Variants in STAMBP observed in about 807,000 individuals in gnomAD.
STAMBP encodes STAM-binding protein.
In STAMBP, 31 loss-of-function variants were observed where a neutral mutation model predicts 50.7. That is an observed-to-expected ratio of 0.61 (90% CI 0.46 to 0.83). The LOEUF (loss-of-function observed/expected upper bound fraction) is 0.83. STAMBP is among the 40% of genes least tolerant of loss of function. STAMBP has a pLI of 0.00. For synonymous variants in STAMBP, 211 were observed against 192.4 expected, an observed-to-expected ratio of 1.10 and a Z score of -0.80; for missense variants, 472 against 518.9, an observed-to-expected ratio of 0.91 and a Z score of 0.88.
chr2:73,854,240 C>T (rs1205284468), intron 7 of STAMBP, among the ~76,000 whole-genome samples: 1 of 152,164 alleles, frequency 6.6e-6, no homozygotes, highest in Non-Finnish European at 1.5e-5. Context: ...TGAGGAAACA[C>T]GTTTTAGACA....
intron 2 of STAMBP, among the ~76,000 whole-genome samples, chr2:73,839,517 C>A (rs1452062442): frequency 1.3e-5 from 2 of 152,200 alleles, no homozygotes; most frequent in African/African-American, 2.4e-5. Flanking sequence ...AAGGTTCCAT[C>A]TGTGATCATG....
At chr2:73,858,061 C>T (rs1289894830) in intron 7 of STAMBP, among the ~76,000 whole-genome samples, 1 of 151,858 alleles carries the variant, frequency 6.6e-6, no homozygotes, top group Non-Finnish European at 1.5e-5. Context: ...CGGCTCACTG[C>T]AAGCTCCACC....
At chr2:73,845,950 A>G (rs1312340809) in intron 4 of STAMBP, among the ~76,000 whole-genome samples, 1 of 152,154 alleles carries the variant, frequency 6.6e-6, no homozygotes, top group East Asian at 1.9e-4. Context: ...CTATTTTCAA[A>G]TGATTCTTTT....
intron 2 of STAMBP, among the ~76,000 whole-genome samples, chr2:73,837,948 A>G (rs879227867): frequency 6.6e-5 from 10 of 152,290 alleles, no homozygotes; most frequent in Admixed American, 3.9e-4. Flanking sequence ...GTGTTGTGTC[A>G]TGGGAGCCAA....
intron 7 of STAMBP, among the ~76,000 whole-genome samples, chr2:73,854,441 G>A (rs924092516): frequency 3.3e-5 from 5 of 152,314 alleles, no homozygotes; most frequent in African/African-American, 1.2e-4. Flanking sequence ...CAGATTTGAA[G>A]CCTAAATTGA....
intron 2 of STAMBP, among the ~76,000 whole-genome samples, chr2:73,834,841 A>G (rs569157991): frequency 6.6e-6 from 1 of 152,288 alleles, no homozygotes; most frequent in African/African-American, 2.4e-5. Flanking sequence ...TGTGTTTAGA[A>G]GTGCTTAGAT....
rs116524817 is a variant in STAMBP, at chr2:73,829,414, C to T, written c.-109C>T. ...TCCCCCTCATTTGCAGATGCTGCAT[C>T]CCCTTTTTGGAATTGCTCAACCAGG... On this transcript the variant is annotated 5_prime_UTR_variant, in exon 1 of 10. Coordinates refer to ENST00000394070, the MANE Select transcript of STAMBP (RefSeq NM_213622.4). 0.016 allele frequency: 2,431 copies of T among 152,438 alleles called. 32 individuals carry two copies. Among genetic ancestry groups the T allele is most frequent in the South Asian group, 0.03 (146 of 4,832 alleles). 9.4% of individuals were successfully genotyped at this position (152,438 alleles called of 1,614,324 possible).
chr2:73,836,904 C>G (rs369786449), intron 2 of STAMBP, among the ~76,000 whole-genome samples: 2 of 152,164 alleles, frequency 1.3e-5, no homozygotes, highest in African/African-American at 4.8e-5. Context: ...GACTAGGTCC[C>G]CGGGGCTCAG....
chr2:73,830,959 C>T lies in STAMBP; in HGVS notation c.103C>T (p.Arg35Trp), dbSNP rs1453810316. 6 of 1,614,192 alleles carry T rather than the reference C, an allele frequency of 3.7e-6. No individual in the cohort carries two copies. The highest frequency in any genetic ancestry group is 1.1e-5 in the South Asian group (1 of 91,086). Residue 35 changes from arginine (R) to tryptophan (W), a missense_variant, in exon 2 of 10, where the codon CGG (arginine) becomes TGG (tryptophan). Transcript: ENST00000394070. ...VEVNEDIPPRRYFRSGVEIIR... is the reference protein window; with the variant it reads ...VEVNEDIPPRWYFRSGVEIIR... ...GGTGAATGAAGACATTCCACCCCGT[C>T]GGTACTTCCGCTCTGGAGTTGAGAT...
intron 9 of STAMBP, among the ~76,000 whole-genome samples, chr2:73,860,788 T>C (rs555584765): frequency 6.6e-5 from 10 of 152,238 alleles, no homozygotes; most frequent in Admixed American, 2.0e-4. Flanking sequence ...ATTATTTCTT[T>C]TGGGTTCAGA....
At chr2:73,845,918 C>T (rs924390661) in intron 4 of STAMBP, among the ~76,000 whole-genome samples, 22 of 152,188 alleles carry the variant, frequency 1.4e-4, no homozygotes, top group African/African-American at 4.6e-4. Context: ...AGGCGTGAGC[C>T]GCTGCACCCA....
intron 6 of STAMBP, among the ~76,000 whole-genome samples, 163 bp downstream of exon 6, chr2:73,849,650 A>G (rs554454806): frequency 1.6e-4 from 25 of 152,232 alleles, no homozygotes; most frequent in Non-Finnish European, 3.4e-4. Flanking sequence ...GTGACCCTGT[A>G]TTGATTGATT....
downstream of STAMBP, among the ~76,000 whole-genome samples, chr2:73,867,652 A>G (rs1558607584): frequency 6.6e-6 from 1 of 152,260 alleles, no homozygotes; most frequent in African/African-American, 2.4e-5. Flanking sequence ...CGATAATACA[A>G]TATCACAAAT....
intron 2 of STAMBP, among the ~76,000 whole-genome samples, chr2:73,838,885 T>G (rs1404511957): frequency 6.6e-6 from 1 of 152,224 alleles, no homozygotes; most frequent in African/African-American, 2.4e-5. Flanking sequence ...CTTTAAAATC[T>G]TGATTCTGAT....
At chr2:73,859,712 T>TGTA (rs1271559417) in intron 8 of STAMBP, among the ~76,000 whole-genome samples, 71 of 99,978 alleles carry the variant, frequency 7.1e-4, no homozygotes, top group East Asian at 5.4e-4. Flanking sequence ...AATAAAAAAA[T>TGTA]ATAATAAAAA....
chr2:73,862,148 A>G, intron 9 of STAMBP, 55 bp from the exon 10 acceptor site: 1 of 1,547,794 alleles, frequency 6.5e-7, no homozygotes, highest in Non-Finnish European at 8.7e-7. Flanking sequence ...AGAAAAAAAA[A>G]AAAAAGACTT....
At chr2:73,841,007 A>G (rs2104393262) in intron 2 of STAMBP, among the ~76,000 whole-genome samples, 1 of 152,264 alleles carries the variant, frequency 6.6e-6, no homozygotes, top group African/African-American at 2.4e-5. Flanking sequence ...ATGGTATCTC[A>G]TCCTAATTTG....
chr2:73,861,363 A>C (rs1678298903), intron 9 of STAMBP, among the ~76,000 whole-genome samples: 1 of 152,148 alleles, frequency 6.6e-6, no homozygotes, highest in Non-Finnish European at 1.5e-5. Context: ...ACAAAGGTAA[A>C]TGGGCAAACA....
At chr2:73,859,190 G>A (rs921075257) in intron 7 of STAMBP, 64 bp from the exon 8 acceptor site, 12 of 1,327,720 alleles carry the variant, frequency 9.0e-6, no homozygotes, top group South Asian at 3.6e-5. Context: ...AAAGGGAATC[G>A]CAAATAAGGA....
Sources: gnomAD v4.1 joint callset for allele counts (sites outside exome capture counted in the v4.1 genomes callset) on GRCh38, gnomAD v4.1.1 for gene constraint, MANE v1.5 for transcripts, NCBI Gene and HGNC (gene_info 2026-07-23, HGNC 2026-07-21) for gene names.